The following VRK2 variants were observed in gnomAD, a reference collection of about 807,000 sequenced individuals.
VRK2 encodes the protein serine/threonine-protein kinase VRK2.
Under a neutral mutation model 57.6 loss-of-function variants are expected in VRK2, and 60 were observed. The observed-to-expected ratio is 1.04, with a 90% CI of 0.85 to 1.29. The LOEUF is 1.29. Ranked by LOEUF, VRK2 falls within the 50% of genes most tolerant of loss-of-function variation. The pLI is 0.00. For synonymous variants in VRK2, 231 were observed against 199.2 expected, an observed-to-expected ratio of 1.16 and a Z score of -1.35; for missense variants, 705 against 588.1, an observed-to-expected ratio of 1.20 and a Z score of -2.06.
intron 1 of VRK2, among the ~76,000 whole-genome samples, chr2:58,004,328 G>C (rs2103631200): frequency 6.6e-6 from 1 of 152,208 alleles, no homozygotes; most frequent in East Asian, 1.9e-4. Context: ...GATATGATTT[G>C]TATGACTTTT....
At chr2:57,909,941 T>C (rs189048992) in intron 1 of VRK2, among the ~76,000 whole-genome samples, 2 of 152,276 alleles carry the variant, frequency 1.3e-5, no homozygotes, top group Admixed American at 1.3e-4. Flanking sequence ...TTATTGATCC[T>C]ATAAGCCATA....
chr2:57,986,155 A>G (rs1029849992), intron 1 of VRK2, among the ~76,000 whole-genome samples: 3 of 152,110 alleles, frequency 2.0e-5, no homozygotes, highest in African/African-American at 7.2e-5. Flanking sequence ...AAACTTAAAA[A>G]CTGGATTCAA....
At chr2:58,078,677 A>T (rs1024612531) in intron 2 of VRK2, among the ~76,000 whole-genome samples, 1 of 152,024 alleles carries the variant, frequency 6.6e-6, no homozygotes, top group Non-Finnish European at 1.5e-5. Flanking sequence ...CAAAATTTAA[A>T]ACAAATTTTG....
At chr2:58,131,373 C>T (rs9973928) in intron 8 of VRK2, among the ~76,000 whole-genome samples, 9,118 of 151,438 alleles carry the variant, frequency 0.06, 931 homozygotes, top group African/African-American at 0.21. Flanking sequence ...GTTTAGTCTG[C>T]ACTCAGAGGG....
intron 2 of VRK2, among the ~76,000 whole-genome samples, chr2:58,079,249 G>A (rs1670530100): frequency 6.6e-6 from 1 of 152,062 alleles, no homozygotes; most frequent in African/African-American, 2.4e-5. Context: ...CATTAACTTT[G>A]ATCCCTTTTA....
At chr2:58,116,324 A>G (rs941966397) in intron 7 of VRK2, among the ~76,000 whole-genome samples, 2 of 149,996 alleles carry the variant, frequency 1.3e-5, no homozygotes, top group Admixed American at 1.3e-4. Context: ...GAAGAACGGC[A>G]GCAATGAGAT....
intron 1 of VRK2, among the ~76,000 whole-genome samples, chr2:57,975,639 G>C (rs1328608359): frequency 2.0e-5 from 3 of 151,868 alleles, no homozygotes; most frequent in Non-Finnish European, 4.4e-5. Flanking sequence ...TTCAGGCCTT[G>C]TACTCCTCCC....
intron 7 of VRK2, among the ~76,000 whole-genome samples, chr2:58,093,004 T>C (rs1672592508): frequency 2.0e-5 from 3 of 152,184 alleles, no homozygotes; most frequent in Admixed American, 2.0e-4. Flanking sequence ...CATCCTTTTT[T>C]ATGGCTGCAT....
intron 1 of VRK2, among the ~76,000 whole-genome samples, chr2:57,977,106 G>A (rs1172648953): frequency 6.6e-6 from 1 of 152,116 alleles, no homozygotes; most frequent in African/African-American, 2.4e-5. Flanking sequence ...TGCTGTTTTG[G>A]TTACTGTAGT....
At chr2:57,986,819 G>A (rs544982176) in intron 1 of VRK2, among the ~76,000 whole-genome samples, 13 of 152,162 alleles carry the variant, frequency 8.5e-5, no homozygotes, top group South Asian at 8.3e-4. Flanking sequence ...GGCTGGTCTC[G>A]AACTCCTGAC....
chr2:58,154,736 T>G (rs1186902022), intron 12 of VRK2: 6 of 717,594 alleles, frequency 8.4e-6, no homozygotes, highest in Non-Finnish European at 1.6e-5. Context: ...TTGGTGTATT[T>G]TCTTCCCTTT....
In VRK2 at chr2:58,088,400, A is replaced by C. The variant is rs142982287; in HGVS notation, c.404A>C (p.Asn135Thr). The C allele has an allele frequency of 2.5e-6, 4 of 1,613,634 alleles. No homozygotes were observed. In the African/African-American group the frequency reaches 5.3e-5, roughly 22 times the overall value. Residue 135 changes from asparagine to threonine, a missense_variant, in exon 6 of 13, where the codon AAT becomes ACT. By Grantham distance (65) the Asn-to-Thr change is moderately conservative (BLOSUM62 0). Coordinates refer to ENST00000340157, the MANE Select transcript of VRK2 (RefSeq NM_006296.7). Reference sequence around the variant, plus strand: ...GATTTACAGAAGATCTCAGGCCAGAATGGTACCTTTAAAAAGTCAACTGTC... The same window carrying C: ...GATTTACAGAAGATCTCAGGCCAGACTGGTACCTTTAAAAAGTCAACTGTC... ...GIDLQKISGQ[N>T]GTFKKSTVLQ...
chr2:57,916,834 T>TGA (rs1670172488), intron 1 of VRK2, among the ~76,000 whole-genome samples: 1 of 152,208 alleles, frequency 6.6e-6, no homozygotes, highest in Non-Finnish European at 1.5e-5. Context: ...CAGTTTCAAC[T>TGA]CTTTGGAAAG....
upstream of VRK2, chr2:58,046,498 A>G: frequency 1.0e-6 from 1 of 985,474 alleles, no homozygotes. Flanking sequence ...ACTCCTACAC[A>G]AATGCATGTC....
intron 2 of VRK2, among the ~76,000 whole-genome samples, chr2:58,071,657 TA>T (rs1360773632): frequency 6.6e-6 from 1 of 152,068 alleles, no homozygotes; most frequent in East Asian, 1.9e-4. Context: ...TCTATTTGTC[TA>T]TTTTTTTTGC....
chr2:58,060,108 A>C (rs1677105478), intron 2 of VRK2, among the ~76,000 whole-genome samples: 1 of 151,768 alleles, frequency 6.6e-6, no homozygotes, highest in African/African-American at 2.4e-5. Flanking sequence ...GTAGAAGAAA[A>C]AGTAGTAAAA....
At chr2:57,943,777 G>A (rs920147536) in intron 1 of VRK2, among the ~76,000 whole-genome samples, 1 of 152,136 alleles carries the variant, frequency 6.6e-6, no homozygotes, top group Non-Finnish European at 1.5e-5. Context: ...TGCCCTAGAG[G>A]TTAAAGAAAT....
At chr2:57,911,432 G>C (rs573686855) in intron 1 of VRK2, among the ~76,000 whole-genome samples, 1 of 152,146 alleles carries the variant, frequency 6.6e-6, no homozygotes, top group African/African-American at 2.4e-5. Context: ...AGATAACACA[G>C]ACAGTGCTGA....
intron 11 of VRK2, among the ~76,000 whole-genome samples, chr2:58,142,665 A>G (rs1046718897): frequency 1.3e-5 from 2 of 151,862 alleles, no homozygotes; most frequent in East Asian, 3.9e-4. Context: ...GAAAGAAACA[A>G]TATTTCAATA....
Sources: allele counts gnomAD v4.1 joint callset (sites outside exome capture counted in the v4.1 genomes callset), GRCh38; gene constraint gnomAD v4.1.1; transcripts MANE v1.5; gene names NCBI Gene and HGNC (gene_info 2026-07-23, HGNC 2026-07-21).